The following DHX34 variants were observed in gnomAD, a reference collection of about 807,000 sequenced individuals.
DHX34 encodes the protein probable ATP-dependent RNA helicase DHX34.
A neutral mutation model predicts 111.1 loss-of-function variants in DHX34; 96 were observed. The ratio of observed to expected loss-of-function variants is 0.86; its 90% CI spans 0.73 to 1.02. The LOEUF (loss-of-function observed/expected upper bound fraction) is 1.02, where lower values mean the gene tolerates loss of function less well. Among genes scored for constraint, DHX34 ranks in the 50% least tolerant of loss-of-function variants. The probability of loss-of-function intolerance (pLI) is 0.00; values close to 1 mark genes in which losing one functional copy is unlikely to be tolerated. For synonymous variants in DHX34, 688 were observed against 670.4 expected, an observed-to-expected ratio of 1.03 and a Z score of -0.41; for missense variants, 1,560 against 1,579.9, an observed-to-expected ratio of 0.99 and a Z score of 0.21.
chr19:47,370,108 C>T (rs1331134193), intron 7 of DHX34, among the ~76,000 whole-genome samples: 1 of 152,180 alleles, frequency 6.6e-6, no homozygotes, highest in Non-Finnish European at 1.5e-5. Flanking sequence ...CCACCAGAGG[C>T]TGGGTGTGGC....
intron 7 of DHX34, among the ~76,000 whole-genome samples, chr19:47,372,208 CA>C (rs1969985469): frequency 6.6e-6 from 1 of 151,752 alleles, no homozygotes; most frequent in African/African-American, 2.4e-5. Flanking sequence ...CTTCCACTTC[CA>C]CCTTGACCTA....
At position 47,353,516 on chromosome 19, in the gene DHX34, C is replaced by G; in HGVS notation, c.486C>G (p.Leu162=). The G allele has an allele frequency of 6.2e-7, 1 of 1,613,762 alleles. No homozygotes were observed. The highest frequency in any genetic ancestry group is 1.7e-5 in the Admixed American group (1 of 60,008). Residue 162 remains leucine (L), a synonymous_variant, in exon 2 of 17, where the codon CTC becomes CTG. Coordinates refer to ENST00000328771, the MANE Select transcript of DHX34 (RefSeq NM_014681.6). This position sits in a 1 kb window ranked among gnomAD's most constrained non-coding sequence, Gnocchi z 4.6. The part of the protein sequence containing the change: ...LAKLQRERAA[L]PIAQYGNRIL... ...AGCTGCAGCGTGAGCGGGCAGCCCTCCCCATCGCCCAGTATGGGAACCGCA... is the reference window on the plus strand; with the variant it reads ...AGCTGCAGCGTGAGCGGGCAGCCCTGCCCATCGCCCAGTATGGGAACCGCA...
intron 13 of DHX34, among the ~76,000 whole-genome samples, chr19:47,379,326 A>G (rs1265913507): frequency 6.6e-6 from 1 of 151,462 alleles, no homozygotes; most frequent in Non-Finnish European, 1.5e-5. Flanking sequence ...CTTATGAGCC[A>G]CAGCACTGGT....
rs770850909 is a variant in DHX34 at position 47,367,008 on chromosome 19, C to G, written c.1621C>G (p.Arg541Gly). The G allele has an allele frequency of 2.6e-6, 4 of 1,562,494 alleles. No homozygotes were observed. Among genetic ancestry groups the G allele is most frequent in the African/African-American group, 2.7e-5 (2 of 73,036 alleles). The change falls in exon 7 of 17, where the codon CGA (arginine) becomes GGA (glycine). Residue 541 changes from arginine to glycine, a missense_variant. Coordinates refer to ENST00000328771, the MANE Select transcript of DHX34 (RefSeq NM_014681.6). The part of the protein sequence containing the change: ...QMKSMSVGDP[R>G]TFPFIEPPPP... ...GAAGAGCATGAGTGTGGGGGACCCCCGAACCTTCCCCTTCATCGAGCCCCC... is the reference window on the plus strand; with the variant it reads ...GAAGAGCATGAGTGTGGGGGACCCCGGAACCTTCCCCTTCATCGAGCCCCC...
In DHX34 at chr19:47,353,305, C is replaced by A; in HGVS notation, c.275C>A (p.Ala92Glu). 6.2e-7 allele frequency: 1 copy of A among 1,614,180 alleles called. No homozygotes were observed. Among genetic ancestry groups the A allele is most frequent in the Non-Finnish European group, 8.5e-7 (1 of 1,180,028 alleles). The change falls in exon 2 of 17, where the codon GCG becomes GAG. Residue 92 changes from alanine to glutamate, a missense_variant. Physicochemically the swap from Ala to Glu is moderately radical, Grantham distance 107. Transcript: ENST00000328771. The surrounding 1 kb of genome is among the most constrained non-coding windows in gnomAD (Gnocchi z 4.6). ...GGACAGCCCAAGCACAGCATCCCAG[C>A]GCTGGCCGACCTACCTCGCACTTAC... is the stretch of plus-strand genomic sequence containing the variant. ...DPGQPKHSIP[A>E]LADLPRTYDP...
rs187486331 is a variant in DHX34, at chr19:47,357,001, T to G, written c.1018-865T>G. On this transcript the variant is annotated intron_variant, in intron 3 of 16. Coordinates refer to ENST00000328771, the MANE Select transcript of DHX34 (RefSeq NM_014681.6). ...TAGGGTTTTTGTTTTTTGTTTTTTGTTTTTTTTAGTAGAGACGACGTGTTG... is the reference window on the plus strand; with the variant it reads ...TAGGGTTTTTGTTTTTTGTTTTTTGGTTTTTTTAGTAGAGACGACGTGTTG... Among the ~76,000 whole-genome samples, 5 of 152,078 alleles carry G rather than the reference T, an allele frequency of 3.3e-5. No homozygotes were observed. The South Asian group carries it at 6.2e-4, about 19-fold the overall frequency.
At chr19:47,376,698 C>T in intron 12 of DHX34, 138 bp downstream of exon 12, 3 of 1,445,496 alleles carry the variant, frequency 2.1e-6, no homozygotes, top group Non-Finnish European at 2.8e-6. Flanking sequence ...AGGGGAAGTT[C>T]CAGGGCCAGG....
At chr19:47,374,284 A>C (rs1970064106) in intron 9 of DHX34, among the ~76,000 whole-genome samples, 1 of 151,948 alleles carries the variant, frequency 6.6e-6, no homozygotes, top group Non-Finnish European at 1.5e-5. Flanking sequence ...TAAAAATACA[A>C]AAATTAGCCA....
intron 13 of DHX34, among the ~76,000 whole-genome samples, chr19:47,378,301 T>A (rs999598916): frequency 4.7e-4 from 57 of 121,930 alleles, no homozygotes; most frequent in Non-Finnish European, 4.6e-4. Context: ...ACTGTTAGTG[T>A]TCAGTGTTCT....
At chr19:47,380,645 C>A (rs956514231) in intron 14 of DHX34, 171 bp from the exon 15 acceptor site, 25 of 985,192 alleles carry the variant, frequency 2.5e-5, no homozygotes, top group Non-Finnish European at 2.9e-5. Flanking sequence ...CAGGTATATT[C>A]TAGACAGACC....
At chr19:47,366,632 G>A (rs1314962741) in intron 6 of DHX34, among the ~76,000 whole-genome samples, 1 of 151,994 alleles carries the variant, frequency 6.6e-6, no homozygotes, top group African/African-American at 2.4e-5. Context: ...CTGGAGTGCA[G>A]TGCAGAGGCG....
At chr19:47,379,079 A>G (rs879501755) in intron 13 of DHX34, among the ~76,000 whole-genome samples, 11 of 152,014 alleles carry the variant, frequency 7.2e-5, no homozygotes, top group Non-Finnish European at 1.6e-4. Context: ...CAGTGAGCCA[A>G]GATTGCGCCA....
At chr19:47,381,405 A>G (rs1970354757) in intron 16 of DHX34, 81 bp downstream of exon 16, 7 of 1,540,004 alleles carry the variant, frequency 4.5e-6, no homozygotes, top group Non-Finnish European at 3.5e-6. Flanking sequence ...GCGTGTGAGC[A>G]CTTGCTAGAG....
Position 47,376,050 on chromosome 19 carries a change from C to T in DHX34, c.2434C>T (p.Leu812=), listed in dbSNP as rs1970143388. 2 of 1,589,700 alleles carry T rather than the reference C, an allele frequency of 1.3e-6. No homozygotes were observed. Among genetic ancestry groups the T allele is most frequent in the Non-Finnish European group, 8.6e-7 (1 of 1,169,324 alleles). The change falls in exon 11 of 17, where the codon CTG becomes TTG. Residue 812 remains leucine, a synonymous_variant. Transcript: ENST00000328771. ...GCTGGGCCGGGGCCTGTACCCACAG[C>T]TGGCCGTCCCCGACGCCTTCAACAG... is the stretch of plus-strand genomic sequence containing the variant. ...LVLGRGLYPQ[L]AVPDAFNSSR...
chr19:47,375,808 G>C, intron 10 of DHX34, 100 bp downstream of exon 10: 1 of 1,549,216 alleles, frequency 6.5e-7, no homozygotes, highest in Non-Finnish European at 8.7e-7. Context: ...CATTTCAGGA[G>C]CCGGGTTTCC....
rs1007241769 is a variant in DHX34 at position 47,353,407 on chromosome 19, C to T, written c.377C>T (p.Pro126Leu). 6.2e-7 allele frequency: 1 copy of T among 1,614,212 alleles called. No homozygotes were observed. Among genetic ancestry groups the T allele is most frequent in the East Asian group, 2.2e-5 (1 of 44,886 alleles). Reference protein sequence around the residue: ...RGSQGLGRHLPAERVAEFRRA... With the variant: ...RGSQGLGRHLLAERVAEFRRA... ...TCTCAGGGACTGGGCAGGCACTTGC[C>T]CGCGGAGAGAGTGGCTGAGTTCCGC... Residue 126 changes from proline (P) to leucine (L), a missense_variant, in exon 2 of 17, where the codon CCC becomes CTC. By Grantham distance (98) the Pro-to-Leu change is moderately conservative (BLOSUM62 -3). Coordinates refer to ENST00000328771, the MANE Select transcript of DHX34 (RefSeq NM_014681.6). The surrounding 1 kb of genome is among the most constrained non-coding windows in gnomAD (Gnocchi z 4.6).
rs201991060 is a variant in DHX34 at position 47,365,885 on chromosome 19, TGTAA to T, written c.1594-1093_1594-1090del. Among the ~76,000 whole-genome samples, 377 of 152,296 alleles carry T rather than the reference TGTAA, an allele frequency of 2.5e-3. 3 individuals carry two copies. Among genetic ancestry groups the T allele is most frequent in the African/African-American group, 8.3e-3 (344 of 41,554 alleles). On this transcript the variant is annotated intron_variant, in intron 6 of 16. Coordinates refer to ENST00000328771, the MANE Select transcript of DHX34 (RefSeq NM_014681.6). ...CTGCATTAATTGGGATTCTTTTGGTTGTAAGTGAGAGAAATACAACTGAAACTAT... is the reference window on the plus strand; with the variant it reads ...CTGCATTAATTGGGATTCTTTTGGTTGTGAGAGAAATACAACTGAAACTAT...
intron 1 of DHX34, among the ~76,000 whole-genome samples, 174 bp from the exon 2 acceptor site, chr19:47,352,580 C>T (rs770617899): frequency 9.3e-4 from 142 of 152,046 alleles, no homozygotes; most frequent in Non-Finnish European, 2.4e-4. Flanking sequence ...GAGGCTGAGG[C>T]GGGAGGATCG....
At chr19:47,364,146 C>T (rs1192314412) in intron 6 of DHX34, among the ~76,000 whole-genome samples, 1 of 152,060 alleles carries the variant, frequency 6.6e-6, no homozygotes, top group Non-Finnish European at 1.5e-5. Context: ...GTCCAGCCAG[C>T]CAAAGGGTCA....
Sources: allele counts gnomAD v4.1 joint callset (sites outside exome capture counted in the v4.1 genomes callset), GRCh38; gene constraint gnomAD v4.1.1; non-coding constraint Gnocchi (gnomAD v3.1); transcripts MANE v1.5; gene names NCBI Gene and HGNC (gene_info 2026-07-23, HGNC 2026-07-21).